Variants in GNAI1 observed in about 807,000 individuals in gnomAD.
GNAI1 encodes guanine nucleotide-binding protein G(i) subunit alpha-1.
Under a neutral mutation model 38.9 loss-of-function variants are expected in GNAI1, and 11 were observed. The observed-to-expected ratio is 0.28, with a 90% CI of 0.18 to 0.47. The LOEUF (loss-of-function observed/expected upper bound fraction) is 0.47. Ranked by LOEUF, GNAI1 falls within the 20% of genes least tolerant of loss-of-function variation. The probability of loss-of-function intolerance (pLI) is 0.99; values close to 1 mark genes in which losing one functional copy is unlikely to be tolerated. For missense variants in GNAI1, 317 were observed against 436.9 expected (o/e 0.73, Z 2.45); for synonymous variants, 166 against 145.1 (o/e 1.14, Z -1.04).
intron 1 of GNAI1, among the ~76,000 whole-genome samples, chr7:80,166,532 G>A (rs1210306868): frequency 6.6e-6 from 1 of 152,082 alleles, no homozygotes; most frequent in African/African-American, 2.4e-5. Context: ...GATAGTTGGA[G>A]GAACTGGAGA....
chr7:80,176,738 A>G (rs1788187460), intron 1 of GNAI1, among the ~76,000 whole-genome samples: 1 of 151,944 alleles, frequency 6.6e-6, no homozygotes, highest in Non-Finnish European at 1.5e-5. Flanking sequence ...GGAGTTCGAG[A>G]CCAGCCTGGC....
At chr7:80,141,071 A>C (rs1787517697) in intron 1 of GNAI1, among the ~76,000 whole-genome samples, 1 of 152,164 alleles carries the variant, frequency 6.6e-6, no homozygotes, top group Non-Finnish European at 1.5e-5. Flanking sequence ...ACATAATCCA[A>C]GTTAATAGTC....
At chr7:80,184,654 G>A (rs763645186) in intron 1 of GNAI1, among the ~76,000 whole-genome samples, 1 of 152,144 alleles carries the variant, frequency 6.6e-6, no homozygotes, top group Non-Finnish European at 1.5e-5. Flanking sequence ...TATGGAGACT[G>A]CCTTTCCCTT....
At position 80,222,010 on chromosome 7, in the gene GNAI1, G is replaced by A. The variant is rs571316919; in HGVS notation, c.*4517G>A. Among the ~76,000 whole-genome samples, 4 of 152,144 alleles carry A rather than the reference G, an allele frequency of 2.6e-5. No homozygotes were observed. The highest frequency in any genetic ancestry group is 3.4e-3 in the Middle Eastern group (1 of 294). On this transcript the variant is annotated 3_prime_UTR_variant, in exon 8 of 8. Transcript: ENST00000649796. Reference sequence around the variant, plus strand: ...AATGCATTTATATAAAGAAGTTTACGTTTCACAATCCCACTGGCCTGTTTC... The same window carrying A: ...AATGCATTTATATAAAGAAGTTTACATTTCACAATCCCACTGGCCTGTTTC...
intron 1 of GNAI1, among the ~76,000 whole-genome samples, chr7:80,167,077 A>G (rs1353048892): frequency 6.6e-6 from 1 of 152,176 alleles, no homozygotes; most frequent in African/African-American, 2.4e-5. Context: ...TAAGAAGCTA[A>G]GGTCACCTGA....
chr7:80,193,780 A>G (rs1788521408), intron 3 of GNAI1, among the ~76,000 whole-genome samples: 1 of 152,202 alleles, frequency 6.6e-6, no homozygotes, highest in Non-Finnish European at 1.5e-5. Context: ...ATATTAATTT[A>G]TATTTTGTGT....
chr7:80,196,308 ATCTT>A (rs986820985), intron 3 of GNAI1, among the ~76,000 whole-genome samples: 3 of 151,948 alleles, frequency 2.0e-5, no homozygotes, highest in African/African-American at 4.8e-5. Flanking sequence ...CTGGCAAATA[ATCTT>A]TCTTTTCACC....
chr7:80,145,325 G>T (rs985465957), intron 1 of GNAI1, among the ~76,000 whole-genome samples: 4 of 152,124 alleles, frequency 2.6e-5, no homozygotes, highest in Non-Finnish European at 4.4e-5. Flanking sequence ...GAAATAGGCA[G>T]TCATGTAACC....
Position 80,134,856 on chromosome 7 carries a change from G to C in GNAI1, c.-305G>C. ...GAGCTCGGCTGGGCTTGGCGAGGCT[G>C]CGGCGCGGCCACCGGCGGGAGTGCA... On this transcript the variant is annotated 5_prime_UTR_variant, in exon 1 of 8. Transcript: ENST00000649796. The C allele has an allele frequency of 4.9e-6, 1 of 206,060 alleles. No homozygotes were observed. Among genetic ancestry groups the C allele is most frequent in the Non-Finnish European group, 9.6e-6 (1 of 103,778 alleles). The allele number at this position is 206,060 out of a possible 1,614,324, so 12.8% of individuals were successfully genotyped here. A position where few individuals can be genotyped will look rare whatever the true frequency, so the allele number is the denominator to read the frequency against.
intron 5 of GNAI1, 112 bp downstream of exon 5, chr7:80,203,944 GA>G: frequency 1.6e-6 from 1 of 618,302 alleles, no homozygotes; most frequent in Non-Finnish European, 2.6e-6. Flanking sequence ...ATTACAGTTG[GA>G]AAAAAACTTT....
chr7:80,181,731 A>G (rs1788295893), intron 1 of GNAI1, among the ~76,000 whole-genome samples: 1 of 152,178 alleles, frequency 6.6e-6, no homozygotes, highest in African/African-American at 2.4e-5. Flanking sequence ...CTAAATGTTC[A>G]AAATCAAAGT....
chr7:80,141,849 C>G lies in GNAI1; in HGVS notation c.118+6571C>G, dbSNP rs538900374. Among the ~76,000 whole-genome samples, 9 of 152,298 alleles carry G rather than the reference C, an allele frequency of 5.9e-5. 1 individual carries two copies. In the South Asian group the frequency reaches 1.9e-3, roughly 32 times the overall value. ...CATAGCTTACAAGGTCTGCTTTCCA[C>G]GTAACTGCTGGACTTAATTCAGCTA... On this transcript the variant is annotated intron_variant, in intron 1 of 7. Transcript: ENST00000649796.
chr7:80,159,081 A>G (rs1340005337), intron 1 of GNAI1, among the ~76,000 whole-genome samples: 1 of 152,034 alleles, frequency 6.6e-6, no homozygotes, highest in Non-Finnish European at 1.5e-5. Flanking sequence ...GTTGCTTGTG[A>G]TGTTCTCCAT....
intron 1 of GNAI1, among the ~76,000 whole-genome samples, chr7:80,147,169 C>T (rs893015872): frequency 1.8e-4 from 27 of 151,976 alleles, no homozygotes; most frequent in African/African-American, 6.5e-4. Context: ...GACTGTTTTC[C>T]TCTGGTAATG....
At chr7:80,143,613 T>C (rs1453721133) in intron 1 of GNAI1, among the ~76,000 whole-genome samples, 2 of 152,198 alleles carry the variant, frequency 1.3e-5, no homozygotes, top group African/African-American at 2.4e-5. Context: ...CTTAGAACTC[T>C]GGTGGTAAAA....
At position 80,134,994 on chromosome 7, in the gene GNAI1, C is replaced by A. The variant is rs1476025580; in HGVS notation, c.-167C>A. On this transcript the variant is annotated 5_prime_UTR_variant, in exon 1 of 8. Transcript: ENST00000649796. ...AACAGCCGCCCGTTGCTGTCTGCCC[C>A]TTTGCGGACAGCGTCTCCCTCGACT... The A allele has an allele frequency of 1.4e-5, 6 of 422,676 alleles. No homozygotes were observed. Among genetic ancestry groups the A allele is most frequent in the Non-Finnish European group, 2.5e-5 (6 of 240,456 alleles). The allele number at this position is 422,676 out of a possible 1,614,324, so 26.2% of individuals were successfully genotyped here.
At chr7:80,199,772 GC>G (rs1450532403) in intron 4 of GNAI1, among the ~76,000 whole-genome samples, 1 of 152,106 alleles carries the variant, frequency 6.6e-6, no homozygotes, top group Non-Finnish European at 1.5e-5. Context: ...TGTTAGCAGT[GC>G]CTGAGAAGAG....
chr7:80,170,569 A>G (rs1390647488), intron 1 of GNAI1, among the ~76,000 whole-genome samples: 1 of 152,198 alleles, frequency 6.6e-6, no homozygotes, highest in Admixed American at 6.5e-5. Context: ...TACAAGAAGC[A>G]TGGCTGGGAG....
At chr7:80,171,651 T>C (rs1384928682) in intron 1 of GNAI1, among the ~76,000 whole-genome samples, 32 of 152,218 alleles carry the variant, frequency 2.1e-4, no homozygotes, top group Admixed American at 2.1e-3. Flanking sequence ...ATGATGTACT[T>C]TGATAGATTC....
Sources: allele counts gnomAD v4.1 joint callset (sites outside exome capture counted in the v4.1 genomes callset), GRCh38; gene constraint gnomAD v4.1.1; transcripts MANE v1.5; gene names NCBI Gene and HGNC (gene_info 2026-07-23, HGNC 2026-07-21).